TNPO1: variants seen among roughly 807,000 people sequenced by gnomAD.
TNPO1 encodes the protein transportin-1.
Under a neutral mutation model 119.5 loss-of-function variants are expected in TNPO1, and 8 were observed. That is an observed-to-expected ratio of 0.07 (90% CI 0.04 to 0.12). The LOEUF is 0.12. Ranked by LOEUF, TNPO1 falls within the 10% of genes least tolerant of loss-of-function variation. The pLI is 1.00. For missense variants in TNPO1, 576 were observed against 1,089.8 expected, an observed-to-expected ratio of 0.53 and a Z score of 6.64; for synonymous variants, 362 against 363.0, an observed-to-expected ratio of 1.00 and a Z score of 0.03.
At position 72,816,687 on chromosome 5, in the gene TNPO1, CAGG is replaced by C; in HGVS notation, c.-47_-45del. ...TTCCGCAGCCATTTCAGGCCCCGGA[CAGG>C]AGGCAGTGCCGCTTCGGCCGAAGGC... On this transcript the variant is annotated 5_prime_UTR_variant, in exon 1 of 25. Transcript: ENST00000337273. 17 of 1,537,748 alleles carry C rather than the reference CAGG, an allele frequency of 1.1e-5. No individual in the cohort carries two copies. The highest frequency in any genetic ancestry group is 1.5e-5 in the Non-Finnish European group (17 of 1,143,248).
chr5:72,829,524 G>A (rs1744352304), intron 1 of TNPO1, among the ~76,000 whole-genome samples: 2 of 152,254 alleles, frequency 1.3e-5, no homozygotes, highest in South Asian at 4.1e-4. Flanking sequence ...GAACAATCGA[G>A]TTGAATACAA....
intron 4 of TNPO1, among the ~76,000 whole-genome samples, chr5:72,859,222 A>G (rs1041590094): frequency 1.3e-5 from 2 of 152,128 alleles, no homozygotes; most frequent in Non-Finnish European, 2.9e-5. Context: ...CAACCTCAGC[A>G]CTTGACATTT....
chr5:72,875,500 C>G (rs1361239083), intron 7 of TNPO1, 115 bp from the exon 8 acceptor site: 1 of 995,460 alleles, frequency 1.0e-6, no homozygotes, highest in African/African-American at 1.6e-5. Flanking sequence ...TAGGCCAATT[C>G]AGTCAGTTTT....
At position 72,910,313 on chromosome 5, in the gene TNPO1, T is replaced by G. The variant is rs1410657590; in HGVS notation, c.*1640T>G. The G allele has an allele frequency of 1.3e-5, 2 of 152,776 alleles. No homozygotes were observed. The highest frequency in any genetic ancestry group is 3.9e-4 in the East Asian group (2 of 5,190). The allele number at this position is 152,776 out of a possible 1,614,324, so 9.5% of individuals were successfully genotyped here. A position where few individuals can be genotyped will look rare whatever the true frequency, so the allele number is the denominator to read the frequency against. On this transcript the variant is annotated 3_prime_UTR_variant, in exon 25 of 25. Transcript: ENST00000337273. ...ACATGTATTCCTGTGAATAAATCCT[T>G]GTTAAGTTAACCCTTTACTTTTCCT...
At chr5:72,901,702 T>C (rs1749806466) in intron 22 of TNPO1, among the ~76,000 whole-genome samples, 1 of 152,118 alleles carries the variant, frequency 6.6e-6, no homozygotes, top group Non-Finnish European at 1.5e-5. Context: ...GTATATTCAG[T>C]GAACAAAATG....
intron 6 of TNPO1, among the ~76,000 whole-genome samples, chr5:72,867,609 A>G (rs956214247): frequency 1.3e-5 from 2 of 152,236 alleles, no homozygotes; most frequent in Non-Finnish European, 2.9e-5. Flanking sequence ...ATAAGCAATC[A>G]GATCCACCAC....
chr5:72,898,668 G>T (rs114731167), intron 20 of TNPO1, among the ~76,000 whole-genome samples: 1 of 151,802 alleles, frequency 6.6e-6, no homozygotes, highest in Non-Finnish European at 1.5e-5. Context: ...GCTTTTTTCC[G>T]ATTAGTATAT....
At chr5:72,843,959 C>T (rs1040497128) in intron 1 of TNPO1, among the ~76,000 whole-genome samples, 1 of 152,190 alleles carries the variant, frequency 6.6e-6, no homozygotes, top group Non-Finnish European at 1.5e-5. Context: ...TAAAAACAAA[C>T]TATATTTTAC....
chr5:72,882,537 CT>C lies in TNPO1; in HGVS notation c.981+16del. The C allele has an allele frequency of 6.3e-7, 1 of 1,595,452 alleles. No individual in the cohort carries two copies. The highest frequency in any genetic ancestry group is 8.6e-7 in the Non-Finnish European group (1 of 1,169,054). ...TATTATCCTACTTAAGGTAAGGAAG[CT>C]TTTTTGATGAATAGGGAACAAGATT... On this transcript the variant is annotated intron_variant, in intron 10 of 24. Transcript: ENST00000337273.
chr5:72,884,069 T>C (rs562410678), intron 11 of TNPO1, among the ~76,000 whole-genome samples: 1 of 152,300 alleles, frequency 6.6e-6, no homozygotes, highest in African/African-American at 2.4e-5. Flanking sequence ...TTCAGTTCTC[T>C]TGGGTAAACA....
At chr5:72,893,274 C>G (rs772250046) in intron 16 of TNPO1, 28 bp downstream of exon 16, 1 of 1,608,236 alleles carries the variant, frequency 6.2e-7, no homozygotes, top group African/African-American at 1.3e-5. Flanking sequence ...TCTTCCTCTT[C>G]TTGACATGGT....
At chr5:72,819,308 G>A (rs1292402539) in intron 1 of TNPO1, among the ~76,000 whole-genome samples, 1 of 152,188 alleles carries the variant, frequency 6.6e-6, no homozygotes. Context: ...CATGAATTTT[G>A]ATGGAGACAG....
rs756750935 is a variant in TNPO1, at chr5:72,865,641, A to G, written c.508A>G (p.Ile170Val). 1.4e-5 allele frequency: 23 copies of G among 1,613,310 alleles called. No individual in the cohort carries two copies. The highest frequency in any genetic ancestry group is 1.7e-5 in the Non-Finnish European group (20 of 1,179,808). The change falls in exon 6 of 25, where the codon ATT (isoleucine) becomes GTT (valine). Residue 170 changes from isoleucine (I) to valine (V), a missense_variant. Physicochemically the swap from Ile to Val is conservative, Grantham distance 29. Coordinates refer to ENST00000337273, the MANE Select transcript of TNPO1 (RefSeq NM_002270.4). ...LQKICEDSAE[I>V]LDSDVLDRPL... ...GAAGATTTGTGAAGATTCTGCTGAG[A>G]TTTTAGACAGTGATGTTTTAGATCG...
chr5:72,874,329 CAT>C (rs1473227620), intron 7 of TNPO1, among the ~76,000 whole-genome samples: 3 of 152,080 alleles, frequency 2.0e-5, no homozygotes, highest in South Asian at 2.1e-4. Flanking sequence ...CTAAGTCTAA[CAT>C]ATTGATGAAA....
intron 7 of TNPO1, among the ~76,000 whole-genome samples, chr5:72,874,950 A>C (rs1217625958): frequency 1.3e-5 from 2 of 152,216 alleles, no homozygotes; most frequent in Non-Finnish European, 2.9e-5. Context: ...TGGTGTAGGG[A>C]AATGAGTGTG....
At chr5:72,837,767 C>T (rs774355816) in intron 1 of TNPO1, among the ~76,000 whole-genome samples, 5 of 152,146 alleles carry the variant, frequency 3.3e-5, no homozygotes, top group South Asian at 2.1e-4. Context: ...TGGTACTTTA[C>T]GTTCTCAGTT....
At position 72,865,678 on chromosome 5, in the gene TNPO1, T is replaced by A. The variant is rs935229434; in HGVS notation, c.545T>A (p.Ile182Asn). The A allele has an allele frequency of 6.2e-7, 1 of 1,613,902 alleles. No homozygotes were observed. Among genetic ancestry groups the A allele is most frequent in the Non-Finnish European group, 8.5e-7 (1 of 1,179,864 alleles). Residue 182 changes from isoleucine to asparagine, a missense_variant, in exon 6 of 25, where the codon ATC (isoleucine) becomes AAC (asparagine). Physicochemically the swap from Ile to Asn is moderately radical, Grantham distance 149. Around this residue, in one of 6 missense-constraint regions of TNPO1, gnomAD observed 310 missense variants for 583.0 expected, o/e 0.53. Transcript: ENST00000337273. Reference sequence around the variant, plus strand: ...GATGTTTTAGATCGTCCTCTCAACATCATGATTCCCAAATTTTTACAGTTC... The same window carrying A: ...GATGTTTTAGATCGTCCTCTCAACAACATGATTCCCAAATTTTTACAGTTC... ...DSDVLDRPLN[I>N]MIPKFLQFFK...
intron 11 of TNPO1, among the ~76,000 whole-genome samples, chr5:72,885,692 G>T (rs761881110): frequency 1.1e-4 from 16 of 150,276 alleles, no homozygotes; most frequent in Non-Finnish European, 1.6e-4. Context: ...TTATTGATGG[G>T]TAAGGTGTTA....
intron 9 of TNPO1, among the ~76,000 whole-genome samples, chr5:72,877,952 C>T (rs980143390): frequency 6.6e-6 from 1 of 152,084 alleles, no homozygotes; most frequent in African/African-American, 2.4e-5. Context: ...ATATATAATA[C>T]ATTAACATGA....
Sources: gnomAD v4.1 joint callset for allele counts (sites outside exome capture counted in the v4.1 genomes callset) on GRCh38, gnomAD v4.1.1 for gene constraint, gnomAD v4.1.1 regional missense constraint, MANE v1.5 for transcripts, NCBI Gene and HGNC (gene_info 2026-07-23, HGNC 2026-07-21) for gene names.